CPA6: variants seen among roughly 807,000 people sequenced by gnomAD.
CPA6 encodes carboxypeptidase B.
In CPA6, 58 loss-of-function variants were observed where a neutral mutation model predicts 63.3. The ratio of observed to expected loss-of-function variants is 0.92; its 90% confidence interval spans 0.74 to 1.14. The LOEUF is 1.14. Ranked by LOEUF, CPA6 falls within the 50% of genes most tolerant of loss-of-function variation. The pLI, the probability that CPA6 is intolerant of heterozygous loss-of-function variation, is 0.00. For synonymous variants in CPA6, 185 were observed against 179.0 expected (o/e 1.03, Z -0.27); for missense variants, 565 against 526.6 (o/e 1.07, Z -0.71).
chr8:67,634,040 A>C (rs535683867), intron 1 of CPA6, among the ~76,000 whole-genome samples: 16 of 146,884 alleles, frequency 1.1e-4, no homozygotes. Context: ...ATGTGACTGC[A>C]TTTGAAGATA....
At chr8:67,439,769 CT>C (rs1810248283) in intron 8 of CPA6, among the ~76,000 whole-genome samples, 1 of 151,916 alleles carries the variant, frequency 6.6e-6, no homozygotes, top group Non-Finnish European at 1.5e-5. Context: ...TATTTTTTAT[CT>C]TGAATCCTGC....
intron 2 of CPA6, among the ~76,000 whole-genome samples, chr8:67,583,524 T>C (rs1564010121): frequency 6.6e-6 from 1 of 152,066 alleles, no homozygotes; most frequent in Admixed American, 6.6e-5. Context: ...AATCCTAGTA[T>C]GTTGGAGAAG....
intron 1 of CPA6, among the ~76,000 whole-genome samples, chr8:67,717,559 G>A (rs1328442643): frequency 1.3e-5 from 2 of 152,170 alleles, no homozygotes; most frequent in Admixed American, 1.3e-4. Flanking sequence ...ACATCTTGCT[G>A]CTTTATGATT....
intron 2 of CPA6, among the ~76,000 whole-genome samples, chr8:67,537,376 G>T (rs1259453655): frequency 6.6e-6 from 1 of 152,126 alleles, no homozygotes; most frequent in Non-Finnish European, 1.5e-5. Flanking sequence ...TTCAGAACTT[G>T]TTATTGGTCT....
chr8:67,467,820 G>A (rs1489662072), intron 8 of CPA6, among the ~76,000 whole-genome samples: 1 of 150,592 alleles, frequency 6.6e-6, no homozygotes, highest in Non-Finnish European at 1.5e-5. Context: ...CTGGCCAACA[G>A]GGTGAAAACC....
intron 2 of CPA6, among the ~76,000 whole-genome samples, chr8:67,547,829 T>C (rs1034582183): frequency 1.3e-5 from 2 of 152,212 alleles, no homozygotes; most frequent in African/African-American, 4.8e-5. Flanking sequence ...TCTTTAAAAG[T>C]AGAATTCTCC....
At position 67,511,638 on chromosome 8, in the gene CPA6, A is replaced by T; in HGVS notation, c.335T>A (p.Leu112His). 6.2e-7 allele frequency: 1 copy of T among 1,608,098 alleles called. No homozygotes were observed. Among genetic ancestry groups the T allele is most frequent in the Non-Finnish European group, 8.5e-7 (1 of 1,174,694 alleles). ...NIQYKVLIEDLQKTLEKGSSL... is the reference protein window; with the variant it reads ...NIQYKVLIEDHQKTLEKGSSL... ...GCTTCCCTTCTCCAGTGTTTTCTGA[A>T]GATCTTCTATGAGGACCCTGAATTT... The change falls in exon 4 of 11, where the codon CTT becomes CAT. Residue 112 changes from leucine to histidine, a missense_variant. By Grantham distance (99) the Leu-to-His change is moderately conservative (BLOSUM62 -3). Coordinates refer to ENST00000297770, the MANE Select transcript of CPA6 (RefSeq NM_020361.5).
chr8:67,683,558 C>T (rs764224734), intron 1 of CPA6, among the ~76,000 whole-genome samples: 3 of 152,230 alleles, frequency 2.0e-5, no homozygotes, highest in Middle Eastern at 3.4e-3. Flanking sequence ...CACCATTTAT[C>T]GATACAAACT....
At chr8:67,732,967 C>T (rs983303873) in intron 1 of CPA6, among the ~76,000 whole-genome samples, 1 of 151,750 alleles carries the variant, frequency 6.6e-6, no homozygotes, top group African/African-American at 2.4e-5. Flanking sequence ...GAGGCTGAGG[C>T]GGGCGGATCA....
At chr8:67,721,198 A>G (rs1019973412) in intron 1 of CPA6, among the ~76,000 whole-genome samples, 5 of 152,234 alleles carry the variant, frequency 3.3e-5, no homozygotes, top group Admixed American at 2.0e-4. Flanking sequence ...TACGCCCATT[A>G]GGTTACAAGG....
intron 9 of CPA6, among the ~76,000 whole-genome samples, chr8:67,432,870 C>T (rs375400019): frequency 3.3e-5 from 5 of 152,134 alleles, no homozygotes; most frequent in Admixed American, 2.0e-4. Flanking sequence ...TAGGAACCTG[C>T]GACTCTGCAG....
At chr8:67,612,650 G>A (rs971043241) in intron 2 of CPA6, among the ~76,000 whole-genome samples, 13 of 152,168 alleles carry the variant, frequency 8.5e-5, no homozygotes, top group Non-Finnish European at 1.8e-4. Context: ...GTGGGACCAT[G>A]GGAATTTTAA....
chr8:67,705,263 C>A lies in CPA6; in HGVS notation c.116+40751G>T, dbSNP rs145642720. 7.7e-3 allele frequency among the ~76,000 whole-genome samples: 1,169 copies of A among 152,188 alleles called. 14 individuals are homozygous for A. The highest frequency in any genetic ancestry group is 0.038 in the South Asian group (182 of 4,820). On this transcript the variant is annotated intron_variant, in intron 1 of 10. Coordinates refer to ENST00000297770, the MANE Select transcript of CPA6 (RefSeq NM_020361.5). ...AAGGGTGCCTAGGACAGAATCCCCA[C>A]CCCCGATGGCCTTGAGCTGAAGGAG...
chr8:67,691,362 C>T (rs1356707077), intron 1 of CPA6, among the ~76,000 whole-genome samples: 9 of 152,318 alleles, frequency 5.9e-5, no homozygotes, highest in African/African-American at 1.9e-4. Flanking sequence ...AGGTGGCCAT[C>T]AGTGACCAGT....
At chr8:67,496,940 C>G (rs1413452677) in intron 6 of CPA6, among the ~76,000 whole-genome samples, 1 of 152,150 alleles carries the variant, frequency 6.6e-6, no homozygotes, top group Non-Finnish European at 1.5e-5. Context: ...TCACTATAGG[C>G]AACCACTAAT....
In CPA6 at chr8:67,659,214, A is replaced by G. The variant is rs138131759; in HGVS notation, c.117-34963T>C. Among the ~76,000 whole-genome samples the G allele has an allele frequency of 1.0e-3, 154 of 152,276 alleles. 2 individuals carry two copies. The highest frequency in any genetic ancestry group is 3.4e-3 in the African/African-American group (142 of 41,562). On this transcript the variant is annotated intron_variant, in intron 1 of 10. Transcript: ENST00000297770. Reference sequence around the variant, plus strand: ...TCTTTTCGCTCTATAAAGGGCCTGGAGTCTCCCTTCCAAATGGAAGCAGAT... The same window carrying G: ...TCTTTTCGCTCTATAAAGGGCCTGGGGTCTCCCTTCCAAATGGAAGCAGAT...
chr8:67,667,528 G>C (rs1205994210), intron 1 of CPA6, among the ~76,000 whole-genome samples: 1 of 152,036 alleles, frequency 6.6e-6, no homozygotes, highest in Non-Finnish European at 1.5e-5. Context: ...AATTAAAGCT[G>C]TTAATTTTAA....
At chr8:67,476,888 A>G (rs1452446389) in intron 8 of CPA6, among the ~76,000 whole-genome samples, 1 of 152,224 alleles carries the variant, frequency 6.6e-6, no homozygotes, top group Non-Finnish European at 1.5e-5. Flanking sequence ...TACTTGGCAC[A>G]TAATGAATCC....
intron 1 of CPA6, among the ~76,000 whole-genome samples, chr8:67,649,456 A>T (rs1036864417): frequency 1.3e-5 from 2 of 152,104 alleles, no homozygotes; most frequent in African/African-American, 4.8e-5. Flanking sequence ...ACTATTTTTG[A>T]GCTTTTTCTA....
Sources: gnomAD v4.1 joint callset for allele counts (sites outside exome capture counted in the v4.1 genomes callset) on GRCh38, gnomAD v4.1.1 for gene constraint, MANE v1.5 for transcripts, NCBI Gene and HGNC (gene_info 2026-07-23, HGNC 2026-07-21) for gene names.